The following PDE3A variants were observed in gnomAD, a reference collection of about 807,000 sequenced individuals.
The protein encoded by PDE3A is cGMP-inhibited 3',5'-cyclic phosphodiesterase 3A.
A neutral mutation model predicts 98.3 loss-of-function variants in PDE3A; 43 were observed. That is an observed-to-expected ratio of 0.44 (90% confidence interval 0.34 to 0.56). The LOEUF (loss-of-function observed/expected upper bound fraction) is 0.56, where lower values mean the gene tolerates loss of function less well. PDE3A is among the 20% of genes least tolerant of loss of function. The pLI, the probability that PDE3A is intolerant of heterozygous loss-of-function variation, is 0.01. For synonymous variants in PDE3A, 663 were observed against 567.9 expected (o/e 1.17, Z -2.38); for missense variants, 1,427 against 1,440.7 (o/e 0.99, Z 0.15).
chr12:20,661,538 G>A (rs7309445), intron 15 of PDE3A, among the ~76,000 whole-genome samples: 3,230 of 152,248 alleles, frequency 0.021, 102 homozygotes, highest in African/African-American at 0.072. Flanking sequence ...AATGGGCTGG[G>A]TTCAGGGTCC....
At position 20,621,394 on chromosome 12, in the gene PDE3A, A is replaced by C. The variant is rs747657311; in HGVS notation, c.1523A>C (p.Lys508Thr). 5 of 1,604,672 alleles carry C rather than the reference A, an allele frequency of 3.1e-6. No individual in the cohort carries two copies. In the East Asian group the frequency reaches 1.1e-4, roughly 36 times the overall value. ...TCTGCAGCTAACCATGTAAAGGCTAAAAAGCAAAGTCGACCAGGTAAGTAA... is the reference window on the plus strand; with the variant it reads ...TCTGCAGCTAACCATGTAAAGGCTACAAAGCAAAGTCGACCAGGTAAGTAA... The part of the protein sequence containing the change: ...AISAANHVKA[K>T]KQSRPGALAK... The change falls in exon 5 of 16, where the codon AAA becomes ACA. Residue 508 changes from lysine (K) to threonine (T), a missense_variant. Lys to Thr is a moderately conservative substitution (Grantham distance 78, BLOSUM62 -1). Coordinates refer to ENST00000359062, the MANE Select transcript of PDE3A (RefSeq NM_000921.5).
intron 8 of PDE3A, 113 bp downstream of exon 8, chr12:20,635,169 C>T: frequency 1.1e-6 from 1 of 942,512 alleles, no homozygotes; most frequent in African/African-American, 1.6e-5. Flanking sequence ...ACCTGTAATC[C>T]CAACATTTTG....
intron 2 of PDE3A, among the ~76,000 whole-genome samples, chr12:20,568,306 A>G (rs772335944): frequency 1.4e-4 from 21 of 151,998 alleles, no homozygotes; most frequent in Non-Finnish European, 2.5e-4. Flanking sequence ...GACATTATTA[A>G]CTAATTTAAA....
intron 10 of PDE3A, among the ~76,000 whole-genome samples, chr12:20,643,931 G>T (rs957198750): frequency 2.0e-5 from 3 of 152,070 alleles, no homozygotes; most frequent in African/African-American, 7.2e-5. Context: ...CTCAAAAGCT[G>T]CAAGTTCACC....
At chr12:20,577,398 A>T (rs1942961242) in intron 2 of PDE3A, among the ~76,000 whole-genome samples, 1 of 152,194 alleles carries the variant, frequency 6.6e-6, no homozygotes, top group Admixed American at 6.5e-5. Context: ...AATAAAGAAC[A>T]ATCAAAGGAT....
intron 2 of PDE3A, among the ~76,000 whole-genome samples, chr12:20,566,953 G>T (rs1033745756): frequency 6.6e-6 from 1 of 151,908 alleles, no homozygotes; most frequent in Non-Finnish European, 1.5e-5. Context: ...AAATATGGTA[G>T]TATATGCACA....
At chr12:20,411,907 G>A (rs746746119) in intron 1 of PDE3A, among the ~76,000 whole-genome samples, 3 of 151,828 alleles carry the variant, frequency 2.0e-5, no homozygotes, top group African/African-American at 4.8e-5. Flanking sequence ...ACCATTGTTA[G>A]CCAAGGACCT....
chr12:20,498,009 T>A (rs1195126479), intron 1 of PDE3A, among the ~76,000 whole-genome samples: 1 of 152,134 alleles, frequency 6.6e-6, no homozygotes, highest in African/African-American at 2.4e-5. Context: ...TAATTAACTA[T>A]GCAGAAACGT....
chr12:20,469,239 C>G (rs1456958442), intron 1 of PDE3A, among the ~76,000 whole-genome samples: 1 of 152,112 alleles, frequency 6.6e-6, no homozygotes, highest in Non-Finnish European at 1.5e-5. Context: ...TGATATTTTT[C>G]AAATTTTCCT....
intron 2 of PDE3A, among the ~76,000 whole-genome samples, chr12:20,599,797 A>G (rs1943545537): frequency 1.3e-5 from 2 of 152,152 alleles, no homozygotes; most frequent in African/African-American, 4.8e-5. Context: ...GCCAGTTTTC[A>G]TGAGACTTGT....
intron 1 of PDE3A, among the ~76,000 whole-genome samples, chr12:20,525,458 T>C (rs1017503361): frequency 5.8e-5 from 8 of 138,806 alleles, no homozygotes; most frequent in Admixed American, 5.0e-4. Flanking sequence ...GGAAACATTC[T>C]GATTTGGTTG....
At chr12:20,655,455 C>A (rs1366138232) in intron 15 of PDE3A, among the ~76,000 whole-genome samples, 1 of 152,154 alleles carries the variant, frequency 6.6e-6, no homozygotes, top group Non-Finnish European at 1.5e-5. Context: ...CGGGAACGAA[C>A]TGTCCAAGGG....
intron 5 of PDE3A, among the ~76,000 whole-genome samples, chr12:20,628,670 C>A (rs1192490256): frequency 1.3e-5 from 2 of 152,094 alleles, no homozygotes; most frequent in African/African-American, 4.8e-5. Flanking sequence ...TGAGAAAGAA[C>A]TAGAAGGGGT....
At chr12:20,467,124 A>G (rs1044729369) in intron 1 of PDE3A, among the ~76,000 whole-genome samples, 2 of 152,034 alleles carry the variant, frequency 1.3e-5, no homozygotes, top group African/African-American at 4.8e-5. Context: ...AATTTTTTCT[A>G]TCTAATTGGG....
intron 1 of PDE3A, among the ~76,000 whole-genome samples, chr12:20,495,922 G>A (rs1161295013): frequency 2.6e-5 from 4 of 152,148 alleles, no homozygotes; most frequent in African/African-American, 7.2e-5. Flanking sequence ...AGAGAGAGGA[G>A]TTTGTTGAAT....
At chr12:20,439,747 A>G (rs1944839181) in intron 1 of PDE3A, among the ~76,000 whole-genome samples, 2 of 152,180 alleles carry the variant, frequency 1.3e-5, no homozygotes, top group African/African-American at 4.8e-5. Flanking sequence ...GCTTCTTATT[A>G]TAACTTTAAA....
chr12:20,606,634 G>A (rs951329178), intron 2 of PDE3A, among the ~76,000 whole-genome samples: 21 of 151,794 alleles, frequency 1.4e-4, no homozygotes, highest in Admixed American at 2.6e-4. Flanking sequence ...TCAGGTGGGC[G>A]GGTCACCTGA....
At chr12:20,669,477 C>T (rs1945411675) in intron 15 of PDE3A, among the ~76,000 whole-genome samples, 1 of 151,630 alleles carries the variant, frequency 6.6e-6, no homozygotes, top group Non-Finnish European at 1.5e-5. Flanking sequence ...CAAAGGGAAG[C>T]CCATCAGACT....
At chr12:20,657,963 CA>C (rs1417500065) in intron 15 of PDE3A, among the ~76,000 whole-genome samples, 5 of 152,142 alleles carry the variant, frequency 3.3e-5, no homozygotes, top group Admixed American at 3.3e-4. Context: ...AACTGTGATT[CA>C]AACCTGTCCT....
Sources: allele counts gnomAD v4.1 joint callset (sites outside exome capture counted in the v4.1 genomes callset), GRCh38; gene constraint gnomAD v4.1.1; transcripts MANE v1.5; gene names NCBI Gene and HGNC (gene_info 2026-07-23, HGNC 2026-07-21).